The following ANK3 variants were observed in gnomAD, a reference collection of about 807,000 sequenced individuals.
The protein encoded by ANK3 is ankyrin-3.
ANK3 carries 57 observed loss-of-function variants against 370.9 expected under a neutral mutation model. The observed-to-expected ratio is 0.15, with a 90% CI of 0.12 to 0.19. ANK3 has a LOEUF of 0.19. ANK3 is among the 10% of genes least tolerant of loss of function. ANK3 has a pLI of 1.00. For synonymous variants in ANK3, 1,929 were observed against 1,946.3 expected (o/e 0.99, Z 0.23); for missense variants, 4,439 against 5,302.1 (o/e 0.84, Z 5.06).
chr10:60,498,832 G>T (rs1288876335), intron 2 of ANK3, among the ~76,000 whole-genome samples: 3 of 152,132 alleles, frequency 2.0e-5, no homozygotes, highest in African/African-American at 7.2e-5. Context: ...CTACAAAATT[G>T]TAAGGTGGCC....
chr10:60,186,688 T>C (rs2096344830), intron 17 of ANK3, 27 bp downstream of exon 17: 2 of 1,612,042 alleles, frequency 1.2e-6, no homozygotes, highest in Non-Finnish European at 1.7e-6. Context: ...GTGTGCTGCA[T>C]GCTTTGTCAA....
chr10:60,313,040 G>A (rs549977797), intron 1 of ANK3, among the ~76,000 whole-genome samples: 1 of 152,314 alleles, frequency 6.6e-6, no homozygotes, highest in Admixed American at 6.5e-5. Flanking sequence ...AGTCCCGGTA[G>A]CTATGATTAA....
intron 1 of ANK3, among the ~76,000 whole-genome samples, chr10:60,692,800 A>G (rs1426381009): frequency 1.3e-5 from 2 of 152,280 alleles, no homozygotes; most frequent in African/African-American, 2.4e-5. Flanking sequence ...TTCAGGTGTT[A>G]GCTGATAGCT....
intron 1 of ANK3, among the ~76,000 whole-genome samples, chr10:60,320,853 T>C (rs1321558232): frequency 6.6e-6 from 1 of 152,048 alleles, no homozygotes. Flanking sequence ...ACCACCCCAT[T>C]TGCAAGAGTG....
chr10:60,730,313 A>T (rs1380790986), intron 1 of ANK3, among the ~76,000 whole-genome samples: 1 of 151,906 alleles, frequency 6.6e-6, no homozygotes, highest in Non-Finnish European at 1.5e-5. Flanking sequence ...ACTTGCCCCC[A>T]TGCCCTACTA....
chr10:60,471,217 T>C (rs554762639), intron 2 of ANK3, among the ~76,000 whole-genome samples: 6 of 152,120 alleles, frequency 3.9e-5, no homozygotes, highest in Non-Finnish European at 7.4e-5. Flanking sequence ...TACAAGCCAA[T>C]TGGTCCCTAT....
chr10:60,266,877 TTATGAAGTG>T (rs2097888682), intron 5 of ANK3, among the ~76,000 whole-genome samples: 2 of 152,200 alleles, frequency 1.3e-5, no homozygotes, highest in African/African-American at 4.8e-5. Flanking sequence ...ATCCAGTACC[TTATGAAGTG>T]TCTGAAACAT....
rs1337140552 is a variant in ANK3 at position 60,051,614 on chromosome 10, A to G, written c.13065+4044T>C. The G allele has an allele frequency of 3.9e-6, 3 of 771,566 alleles. No individual in the cohort carries two copies. In the African/African-American group the frequency reaches 5.7e-5, roughly 15 times the overall value. The allele number at this position is 771,566 out of a possible 1,614,324, so 47.8% of individuals were successfully genotyped here. On this transcript the variant is annotated intron_variant, in intron 42 of 43. Transcript: ENST00000280772. ...TACCATCACACTTAAAATAAAAGAC[A>G]TTCTGAGAAGGGAAATCAAGAAAGA...
At chr10:60,658,636 G>A (rs538204743) in intron 1 of ANK3, among the ~76,000 whole-genome samples, 1 of 152,114 alleles carries the variant, frequency 6.6e-6, no homozygotes, top group Admixed American at 6.5e-5. Flanking sequence ...TCTTTCCTGT[G>A]GATCCAAGTT....
At position 60,143,211 on chromosome 10, in the gene ANK3, G is replaced by GTAATGAC. The variant is rs10623867; in HGVS notation, c.2615-4125_2615-4124insGTCATTA. The stretch of plus-strand genomic sequence containing the variant: ...ACTTATAAGCCAGGCATTGTGTTAG[G>GTAATGAC]AAAATTTGTTGATGGAATGAATGAA... On this transcript the variant is annotated intron_variant, in intron 23 of 43. Transcript: ENST00000280772. Among the ~76,000 whole-genome samples the GTAATGAC allele has an allele frequency of 2.0e-5, 3 of 152,192 alleles. No individual in the cohort carries two copies. In the South Asian group the frequency reaches 6.2e-4, roughly 32 times the overall value.
intron 1 of ANK3, among the ~76,000 whole-genome samples, chr10:60,286,827 G>A (rs1281135045): frequency 6.6e-6 from 1 of 152,136 alleles, no homozygotes; most frequent in Non-Finnish European, 1.5e-5. Flanking sequence ...GTTGCCTAGA[G>A]GCACTATCAA....
chr10:60,315,829 C>A (rs1456102912), intron 1 of ANK3, among the ~76,000 whole-genome samples: 1 of 152,034 alleles, frequency 6.6e-6, no homozygotes, highest in Non-Finnish European at 1.5e-5. Flanking sequence ...TCTTCCCAAC[C>A]AGCATGTTAA....
At chr10:60,176,238 G>T (rs2095946370) in intron 18 of ANK3, among the ~76,000 whole-genome samples, 1 of 150,838 alleles carries the variant, frequency 6.6e-6, no homozygotes, top group Non-Finnish European at 1.5e-5. Flanking sequence ...GGTGGCATGT[G>T]TCTGTAGTCC....
intron 1 of ANK3, among the ~76,000 whole-genome samples, chr10:60,328,376 T>C (rs1461936143): frequency 6.6e-6 from 1 of 152,226 alleles, no homozygotes; most frequent in East Asian, 1.9e-4. Flanking sequence ...ATATTTACCA[T>C]TAAATATTCA....
intron 1 of ANK3, among the ~76,000 whole-genome samples, chr10:60,282,650 A>T (rs1295576215): frequency 6.6e-6 from 1 of 152,142 alleles, no homozygotes; most frequent in Non-Finnish European, 1.5e-5. Context: ...GGACGCCTTC[A>T]TTATATCTAT....
intron 2 of ANK3, among the ~76,000 whole-genome samples, chr10:60,603,726 T>A (rs1270179222): frequency 6.6e-6 from 1 of 152,152 alleles, no homozygotes; most frequent in Non-Finnish European, 1.5e-5. Context: ...GAACCCAGAC[T>A]GCAATTTTGC....
At chr10:60,727,737 G>A (rs1393161721) in intron 1 of ANK3, among the ~76,000 whole-genome samples, 1 of 151,908 alleles carries the variant, frequency 6.6e-6, no homozygotes, top group Non-Finnish European at 1.5e-5. Context: ...TCTAATCTAG[G>A]TATTTAAGGA....
chr10:60,454,456 C>T lies in ANK3; in HGVS notation c.96+160730G>A, dbSNP rs575261886. 4.4e-4 allele frequency among the ~76,000 whole-genome samples: 67 copies of T among 152,174 alleles called. No homozygotes were observed. In the South Asian group the frequency reaches 0.011, roughly 24 times the overall value. ...CTCTTAGAATCTCTCCTGTGTCTCC[C>T]GGCAGCTTTAGAGCCCTGTGAAATT... is the stretch of plus-strand genomic sequence containing the variant. On this transcript the variant is annotated intron_variant, in intron 2 of 43. Transcript: ENST00000373827.
In ANK3 at chr10:60,587,874, T is replaced by G. The variant is rs184249882; in HGVS notation, c.96+27312A>C. Among the ~76,000 whole-genome samples the G allele has an allele frequency of 3.1e-3, 468 of 152,144 alleles. 4 individuals are homozygous for G. The highest frequency in any genetic ancestry group is 0.011 in the African/African-American group (440 of 41,516). On this transcript the variant is annotated intron_variant, in intron 2 of 43. Transcript: ENST00000373827. Reference sequence around the variant, plus strand: ...ATGTCAAAATATTCCAGGTAATAAGTTAAGAAAGAATGACAGTTTTAGAAT... The same window carrying G: ...ATGTCAAAATATTCCAGGTAATAAGGTAAGAAAGAATGACAGTTTTAGAAT...
Sources: allele counts gnomAD v4.1 joint callset (sites outside exome capture counted in the v4.1 genomes callset), GRCh38; gene constraint gnomAD v4.1.1; transcripts MANE v1.5; gene names NCBI Gene and HGNC (gene_info 2026-07-23, HGNC 2026-07-21).